Variants in CRPPA observed in about 807,000 individuals in gnomAD.
CRPPA encodes the protein CDP-L-ribitol pyrophosphorylase A, also known as D-ribitol-5-phosphate cytidylyltransferase.
CRPPA carries 43 observed loss-of-function variants against 52.0 expected under a neutral mutation model. The observed-to-expected ratio is 0.83, with a 90% CI of 0.65 to 1.07. The LOEUF (loss-of-function observed/expected upper bound fraction) is 1.07, where lower values mean the gene tolerates loss of function less well. CRPPA is among the 50% of genes least tolerant of loss of function. CRPPA has a pLI of 0.00. For missense variants in CRPPA, 629 were observed against 551.7 expected (o/e 1.14, Z -1.40); for synonymous variants, 250 against 203.5 (o/e 1.23, Z -1.94).
intron 9 of CRPPA, among the ~76,000 whole-genome samples, chr7:16,127,333 T>C (rs1782600018): frequency 6.6e-6 from 1 of 152,030 alleles, no homozygotes; most frequent in Non-Finnish European, 1.5e-5. Context: ...TCCTTGTACT[T>C]GAGTTGTAGG....
intron 1 of CRPPA, among the ~76,000 whole-genome samples, chr7:16,412,831 C>T (rs1418095839): frequency 6.6e-6 from 1 of 152,142 alleles, no homozygotes; most frequent in Non-Finnish European, 1.5e-5. Context: ...GGAACCTAGC[C>T]TTAAGCTCTA....
chr7:16,257,885 A>C (rs944585580), intron 8 of CRPPA, among the ~76,000 whole-genome samples: 10 of 152,044 alleles, frequency 6.6e-5, no homozygotes, highest in African/African-American at 2.2e-4. Context: ...TTAGATTTTC[A>C]TGGAAAAATC....
chr7:16,226,153 G>C (rs1782646060), intron 8 of CRPPA, among the ~76,000 whole-genome samples: 1 of 151,730 alleles, frequency 6.6e-6, no homozygotes, highest in South Asian at 2.1e-4. Flanking sequence ...AATAATCTTA[G>C]GTTTCTTTGA....
At chr7:16,164,982 G>T (rs1043455151) in intron 9 of CRPPA, among the ~76,000 whole-genome samples, 11 of 151,960 alleles carry the variant, frequency 7.2e-5, no homozygotes, top group Non-Finnish European at 1.0e-4. Context: ...GGGCGTCAGG[G>T]ACCCACTTGA....
chr7:16,354,211 A>T (rs1246233198), intron 3 of CRPPA, among the ~76,000 whole-genome samples: 1 of 152,182 alleles, frequency 6.6e-6, no homozygotes, highest in Non-Finnish European at 1.5e-5. Context: ...TCCTTTTATC[A>T]AAAATAATTT....
chr7:16,397,113 G>GGACA (rs1354146798), intron 2 of CRPPA, among the ~76,000 whole-genome samples: 4 of 152,216 alleles, frequency 2.6e-5, no homozygotes, highest in Admixed American at 2.6e-4. Context: ...TAAGACACGT[G>GGACA]GACACACAAC....
At chr7:16,206,130 T>C (rs962675564) in intron 9 of CRPPA, among the ~76,000 whole-genome samples, 4 of 152,060 alleles carry the variant, frequency 2.6e-5, no homozygotes, top group African/African-American at 9.7e-5. Flanking sequence ...TAAAAAATTG[T>C]ATGTGGCTTA....
At chr7:16,403,618 C>G (rs1450163439) in intron 2 of CRPPA, among the ~76,000 whole-genome samples, 3 of 152,254 alleles carry the variant, frequency 2.0e-5, no homozygotes, top group African/African-American at 7.2e-5. Flanking sequence ...GAGTTAAAAG[C>G]AGGCCTGGAA....
chr7:16,275,581 C>T (rs933445524), intron 6 of CRPPA, among the ~76,000 whole-genome samples: 3 of 151,948 alleles, frequency 2.0e-5, no homozygotes, highest in Admixed American at 1.3e-4. Context: ...GTATTTCCGC[C>T]CTTTGGGAGG....
chr7:16,155,716 G>A (rs1367361847), intron 9 of CRPPA, among the ~76,000 whole-genome samples: 1 of 152,154 alleles, frequency 6.6e-6, no homozygotes, highest in African/African-American at 2.4e-5. Context: ...GATAAGGCTT[G>A]CATTCAACAT....
intron 5 of CRPPA, among the ~76,000 whole-genome samples, chr7:16,292,574 T>A (rs1220023788): frequency 2.0e-5 from 3 of 151,966 alleles, no homozygotes; most frequent in Non-Finnish European, 4.4e-5. Context: ...TATCCATCCA[T>A]CTGCCAGACT....
chr7:16,260,838 T>G (rs1385272352), intron 6 of CRPPA, among the ~76,000 whole-genome samples: 3 of 152,042 alleles, frequency 2.0e-5, no homozygotes, highest in African/African-American at 7.2e-5. Flanking sequence ...AGGACAGAGC[T>G]TAGGATCTTT....
intron 6 of CRPPA, among the ~76,000 whole-genome samples, chr7:16,267,995 A>T (rs1783997477): frequency 6.6e-6 from 1 of 152,138 alleles, no homozygotes; most frequent in Admixed American, 6.5e-5. Context: ...GGATTAGAGC[A>T]CCCATAAATT....
chr7:16,407,026 A>C (rs1238137175), intron 1 of CRPPA, among the ~76,000 whole-genome samples: 2 of 152,206 alleles, frequency 1.3e-5, no homozygotes, highest in Non-Finnish European at 2.9e-5. Context: ...CCCATGCTGG[A>C]ATACAGTGGC....
At chr7:16,192,362 T>A (rs567502931) in intron 9 of CRPPA, among the ~76,000 whole-genome samples, 1 of 152,240 alleles carries the variant, frequency 6.6e-6, no homozygotes, top group Non-Finnish European at 1.5e-5. Flanking sequence ...GTTAGCGACA[T>A]GGCTGCTTAG....
At chr7:16,175,641 C>T (rs187134828) in intron 9 of CRPPA, among the ~76,000 whole-genome samples, 1 of 152,164 alleles carries the variant, frequency 6.6e-6, no homozygotes, top group African/African-American at 2.4e-5. Flanking sequence ...CCAGTCTTTC[C>T]CCATTATATT....
chr7:16,138,068 CA>C (rs1422825345), intron 9 of CRPPA, among the ~76,000 whole-genome samples: 2 of 152,126 alleles, frequency 1.3e-5, no homozygotes, highest in Non-Finnish European at 2.9e-5. Flanking sequence ...ATAAAACCAG[CA>C]TGCTGTGAAA....
chr7:16,353,470 A>G (rs543612432), intron 3 of CRPPA, among the ~76,000 whole-genome samples: 1 of 152,350 alleles, frequency 6.6e-6, no homozygotes, highest in South Asian at 2.1e-4. Context: ...TTGCTAGACA[A>G]GAGGAAGAAC....
At chr7:16,254,541 G>C (rs11764321) in intron 8 of CRPPA, among the ~76,000 whole-genome samples, 2 of 151,724 alleles carry the variant, frequency 1.3e-5, no homozygotes, top group African/African-American at 2.4e-5. Flanking sequence ...TGAACAATGA[G>C]AACACTTGGA....
Sources: gnomAD v4.1 joint callset for allele counts (sites outside exome capture counted in the v4.1 genomes callset) on GRCh38, gnomAD v4.1.1 for gene constraint, MANE v1.5 for transcripts, NCBI Gene and HGNC (gene_info 2026-07-23, HGNC 2026-07-21) for gene names.